The following FCRL2 variants were observed in gnomAD, a reference collection of about 807,000 sequenced individuals.
The protein encoded by FCRL2 is Fc receptor-like protein 2.
Under a neutral mutation model 59.8 loss-of-function variants are expected in FCRL2, and 48 were observed. The ratio of observed to expected loss-of-function variants is 0.80; its 90% confidence interval spans 0.64 to 1.02. FCRL2 has a LOEUF of 1.02. FCRL2 is among the 50% of genes least tolerant of loss of function. The pLI, the probability that FCRL2 is intolerant of heterozygous loss-of-function variation, is 0.00. For synonymous variants in FCRL2, 251 were observed against 229.5 expected (o/e 1.09, Z -0.85); for missense variants, 658 against 597.3 (o/e 1.10, Z -1.06).
chr1:157,765,464 C>G (rs1422660149), intron 7 of FCRL2, among the ~76,000 whole-genome samples: 2 of 152,140 alleles, frequency 1.3e-5, no homozygotes, highest in Non-Finnish European at 1.5e-5. Context: ...TACCCTGATA[C>G]CAAAATCAGA....
chr1:157,777,099 A>G lies in FCRL2; in HGVS notation c.-26T>C. 1 of 1,614,202 alleles carries G rather than the reference A, an allele frequency of 6.2e-7. No individual in the cohort carries two copies. The highest frequency in any genetic ancestry group is 2.2e-5 in the East Asian group (1 of 44,892). ...GAGGACCTAATCCAGCTATTTGAAA[A>G]GAGATGTACTCTTGGTCACCAACTG... On this transcript the variant is annotated 5_prime_UTR_variant, in exon 1 of 12. Coordinates refer to ENST00000361516, the MANE Select transcript of FCRL2 (RefSeq NM_030764.4).
intron 7 of FCRL2, among the ~76,000 whole-genome samples, chr1:157,758,101 G>A (rs1485246870): frequency 6.6e-6 from 1 of 152,220 alleles, no homozygotes; most frequent in Non-Finnish European, 1.5e-5. Context: ...AAGTATAAAA[G>A]AGTTGAAGAT....
intron 11 of FCRL2, 27 bp from the exon 12 acceptor site, chr1:157,746,801 C>T: frequency 6.2e-7 from 1 of 1,613,780 alleles, no homozygotes; most frequent in Non-Finnish European, 8.5e-7. Flanking sequence ...GGAATAAAGA[C>T]TGAGGTGATC....
intron 7 of FCRL2, among the ~76,000 whole-genome samples, chr1:157,752,266 G>A (rs12080870): frequency 0.018 from 2,706 of 152,260 alleles, 69 homozygotes; most frequent in African/African-American, 0.061. Flanking sequence ...AGTCTTTCCC[G>A]TGCTGTTCTC....
Position 157,750,091 on chromosome 1 carries a change from T to A in FCRL2, c.1280-414A>T, listed in dbSNP as rs553361640. ...TATGCAGCCATTCTTAATTTTTAAA[T>A]GTTTGATATTTGCAACACTTAGTCT... On this transcript the variant is annotated intron_variant, in intron 7 of 11. Coordinates refer to ENST00000361516, the MANE Select transcript of FCRL2 (RefSeq NM_030764.4). Among the ~76,000 whole-genome samples, 13 of 152,356 alleles carry A rather than the reference T, an allele frequency of 8.5e-5. No homozygotes were observed. The South Asian group carries it at 2.7e-3, about 32-fold the overall frequency.
chr1:157,766,527 C>A, intron 7 of FCRL2: 1 of 330,406 alleles, frequency 3.0e-6, no homozygotes, highest in Non-Finnish European at 5.4e-6. Context: ...CTACATTTTG[C>A]TCCGTTGTAC....
At chr1:157,755,371 TTGTG>T (rs1464076240) in intron 7 of FCRL2, among the ~76,000 whole-genome samples, 3 of 152,148 alleles carry the variant, frequency 2.0e-5, no homozygotes, top group African/African-American at 7.2e-5. Flanking sequence ...TTACAATACT[TTGTG>T]TGGCTGGTGT....
At chr1:157,772,126 A>T (rs1650068184) in intron 2 of FCRL2, among the ~76,000 whole-genome samples, 1 of 151,262 alleles carries the variant, frequency 6.6e-6, no homozygotes, top group Non-Finnish European at 1.5e-5. Context: ...AATGGATACT[A>T]GATCTCATGG....
intron 7 of FCRL2, among the ~76,000 whole-genome samples, chr1:157,761,642 A>T (rs1257757794): frequency 6.6e-6 from 1 of 152,190 alleles, no homozygotes; most frequent in African/African-American, 2.4e-5. Flanking sequence ...ATAACTTTTG[A>T]TAATTACAGA....
Position 157,757,690 on chromosome 1 carries a change from C to T in FCRL2, c.1280-8013G>A, listed in dbSNP as rs939293318. Among the ~76,000 whole-genome samples, 9 of 152,158 alleles carry T rather than the reference C, an allele frequency of 5.9e-5. No individual in the cohort carries two copies. In the South Asian group the frequency reaches 6.2e-4, roughly 10 times the overall value. On this transcript the variant is annotated intron_variant, in intron 7 of 11. Transcript: ENST00000361516. ...GAAAATTAATTTTGGGGGCTGGGCA[C>T]GGAGGCTTACACCTGTAATCCCAGC...
At chr1:157,768,143 C>A in intron 5 of FCRL2, 1 of 390,348 alleles carries the variant, frequency 2.6e-6, no homozygotes. Context: ...TGGCCCAGAG[C>A]CCAAAGGTTT....
chr1:157,763,399 C>T (rs1649251565), intron 7 of FCRL2, among the ~76,000 whole-genome samples: 1 of 151,976 alleles, frequency 6.6e-6, no homozygotes, highest in Non-Finnish European at 1.5e-5. Flanking sequence ...GTGGCGGGTG[C>T]CTGTAATCCC....
chr1:157,747,463 T>A (rs1647836988), intron 10 of FCRL2, among the ~76,000 whole-genome samples: 1 of 152,226 alleles, frequency 6.6e-6, no homozygotes, highest in Non-Finnish European at 1.5e-5. Flanking sequence ...CACTTTTTGA[T>A]TCTGCTAGGC....
rs199830452 is a variant in FCRL2, at chr1:157,760,678, G to GGAAA, written c.1279+6173_1279+6176dup. Among the ~76,000 whole-genome samples, 52 of 70,590 alleles carry GGAAA rather than the reference G, an allele frequency of 7.4e-4. 1 individual carries two copies. Among genetic ancestry groups the GGAAA allele is most frequent in the East Asian group, 1.6e-3 (5 of 3,142 alleles). 46.3% of individuals were successfully genotyped at this position (70,590 alleles called of 152,430 possible). On this transcript the variant is annotated intron_variant, in intron 7 of 11. Transcript: ENST00000361516. ...AAGAAGGAAGGAAGGAAGGAAGGAA[G>GGAAA]GAAAGAAAGAAAGAAAGAAGGAAAG...
rs1452277640 is a variant in FCRL2, at chr1:157,767,516, G to C, written c.884-7C>G. The C allele has an allele frequency of 1.9e-6, 3 of 1,614,140 alleles. No individual in the cohort carries two copies. The African/African-American group carries it at 4.0e-5, about 22-fold the overall frequency. On this transcript the variant is annotated splice_region_variant and splice_polypyrimidine_tract_variant and intron_variant, in intron 5 of 11. Transcript: ENST00000361516. ...ACAGGGCGAGACACTGGAACTGACA[G>C]ACACAGAGGGGCTATCAGAAAAGAT... is the stretch of plus-strand genomic sequence containing the variant.
intron 7 of FCRL2, among the ~76,000 whole-genome samples, chr1:157,753,378 C>T (rs1034692663): frequency 6.6e-6 from 1 of 152,202 alleles, no homozygotes; most frequent in African/African-American, 2.4e-5. Context: ...GGACTCTTTC[C>T]TCAGTTTCAA....
chr1:157,772,717 C>T (rs1156718916), intron 2 of FCRL2, among the ~76,000 whole-genome samples: 1 of 152,094 alleles, frequency 6.6e-6, no homozygotes, highest in Non-Finnish European at 1.5e-5. Flanking sequence ...GTTTTGTAAC[C>T]AAGTATCCCA....
chr1:157,770,412 G>A lies in FCRL2; in HGVS notation c.307C>T (p.Gln103Ter). The A allele has an allele frequency of 4.3e-6, 7 of 1,612,696 alleles. No homozygotes were observed. The highest frequency in any genetic ancestry group is 5.1e-6 in the Non-Finnish European group (6 of 1,179,452). ...KTSNIVKIKVQELFQRPVLTA... is the reference protein window; with the variant it reads ...KTSNIVKIKV ...CCCACAGAAGTCAGGGTTTTACCTTGGACTTTTATCTTTACTATATTTGAA... is the reference window on the plus strand; with the variant it reads ...CCCACAGAAGTCAGGGTTTTACCTTAGACTTTTATCTTTACTATATTTGAA... The change falls in exon 3 of 12, where the codon CAA becomes TAA. Residue 103 changes from glutamine (Q) to a stop codon, truncating the protein, a stop_gained. Coordinates refer to ENST00000361516, the MANE Select transcript of FCRL2 (RefSeq NM_030764.4). LOFTEE classifies it high-confidence loss of function.
chr1:157,759,467 G>A (rs1478446997), intron 7 of FCRL2, among the ~76,000 whole-genome samples: 2 of 152,100 alleles, frequency 1.3e-5, no homozygotes, highest in Non-Finnish European at 2.9e-5. Context: ...TTAAACTAAA[G>A]AGCTTCTTCA....
Sources: allele counts gnomAD v4.1 joint callset (sites outside exome capture counted in the v4.1 genomes callset), GRCh38; gene constraint gnomAD v4.1.1; transcripts MANE v1.5; gene names NCBI Gene and HGNC (gene_info 2026-07-23, HGNC 2026-07-21).